LRFN2: variants seen among roughly 807,000 people sequenced by gnomAD.
The protein encoded by LRFN2 is leucine-rich repeat and fibronectin type-III domain-containing protein 2.
LRFN2 carries 18 observed loss-of-function variants against 37.3 expected under a neutral mutation model. The ratio of observed to expected loss-of-function variants is 0.48; its 90% CI spans 0.33 to 0.72. LRFN2 has a LOEUF of 0.72. Ranked by LOEUF, LRFN2 falls within the 30% of genes least tolerant of loss-of-function variation. The pLI is 0.02. For synonymous variants in LRFN2, 556 were observed against 466.6 expected (o/e 1.19, Z -2.47); for missense variants, 1,006 against 1,060.7 (o/e 0.95, Z 0.72).
chr6:40,459,687 G>A (rs1285905458), intron 1 of LRFN2, among the ~76,000 whole-genome samples: 1 of 152,154 alleles, frequency 6.6e-6, no homozygotes, highest in Non-Finnish European at 1.5e-5. Flanking sequence ...CAAATACCAA[G>A]GCACTTTCAC....
chr6:40,555,316 G>T (rs1029460997), intron 1 of LRFN2, among the ~76,000 whole-genome samples: 1 of 152,202 alleles, frequency 6.6e-6, no homozygotes, highest in African/African-American at 2.4e-5. Flanking sequence ...GCTGAGGGTT[G>T]CGGTGGGGAG....
chr6:40,479,066 T>G (rs78264785), intron 1 of LRFN2, among the ~76,000 whole-genome samples: 1 of 152,226 alleles, frequency 6.6e-6, no homozygotes, highest in African/African-American at 2.4e-5. Context: ...CATAACCAGA[T>G]AGAAAGCCTT....
At chr6:40,419,876 T>C (rs1440127575) in intron 2 of LRFN2, among the ~76,000 whole-genome samples, 1 of 152,194 alleles carries the variant, frequency 6.6e-6, no homozygotes, top group Non-Finnish European at 1.5e-5. Context: ...TGGACTAATT[T>C]CACCAAGCAA....
chr6:40,532,538 G>A (rs1766365298), intron 1 of LRFN2, among the ~76,000 whole-genome samples: 1 of 152,162 alleles, frequency 6.6e-6, no homozygotes, highest in African/African-American at 2.4e-5. Context: ...TGGCATAGTT[G>A]AAGATTAAAT....
At chr6:40,467,670 C>T (rs1283502235) in intron 1 of LRFN2, among the ~76,000 whole-genome samples, 1 of 152,184 alleles carries the variant, frequency 6.6e-6, no homozygotes. Context: ...AGACAGGAAA[C>T]CAGCTGTTCT....
rs1762509606 is a variant in LRFN2, at chr6:40,391,876, C to T, written c.*67G>A. On this transcript the variant is annotated 3_prime_UTR_variant, in exon 3 of 3. Transcript: ENST00000338305. Reference sequence around the variant, plus strand: ...CATCACCATGGAAACTCCACAAACACTTGCCAGTGAGATTCTTTCCCCTTC... The same window carrying T: ...CATCACCATGGAAACTCCACAAACATTTGCCAGTGAGATTCTTTCCCCTTC... 1 of 1,452,928 alleles carries T rather than the reference C, an allele frequency of 6.9e-7. No individual in the cohort carries two copies. The highest frequency in any genetic ancestry group is 9.2e-7 in the Non-Finnish European group (1 of 1,091,332). The allele number at this position is 1,452,928 out of a possible 1,614,324, so 90.0% of individuals were successfully genotyped here.
chr6:40,435,562 G>A (rs769576540), intron 1 of LRFN2, among the ~76,000 whole-genome samples: 38 of 147,552 alleles, frequency 2.6e-4, no homozygotes, highest in African/African-American at 8.7e-4. Context: ...TTTTTGAGAC[G>A]GAGTCTGGCT....
At chr6:40,408,765 A>C (rs73428990) in intron 2 of LRFN2, among the ~76,000 whole-genome samples, 9,851 of 152,316 alleles carry the variant, frequency 0.065, 1,008 homozygotes, top group African/African-American at 0.22. Flanking sequence ...AAATGAAGGA[A>C]TGGTAAACAC....
chr6:40,487,914 G>A (rs1765002735), intron 1 of LRFN2, among the ~76,000 whole-genome samples: 2 of 152,076 alleles, frequency 1.3e-5, no homozygotes, highest in Non-Finnish European at 1.5e-5. Context: ...CCCAATCTCA[G>A]CCTTGAGCCT....
At chr6:40,503,426 G>A (rs1197911337) in intron 1 of LRFN2, among the ~76,000 whole-genome samples, 1 of 152,160 alleles carries the variant, frequency 6.6e-6, no homozygotes, top group Non-Finnish European at 1.5e-5. Flanking sequence ...GCTCACTGGT[G>A]CAGCCGATGG....
At chr6:40,510,349 C>T (rs1765671361) in intron 1 of LRFN2, among the ~76,000 whole-genome samples, 1 of 152,150 alleles carries the variant, frequency 6.6e-6, no homozygotes, top group Admixed American at 6.5e-5. Flanking sequence ...ATGAGAATAG[C>T]ATCAAGCCAG....
At chr6:40,459,761 C>A (rs1015742030) in intron 1 of LRFN2, among the ~76,000 whole-genome samples, 1 of 152,194 alleles carries the variant, frequency 6.6e-6, no homozygotes, top group Non-Finnish European at 1.5e-5. Flanking sequence ...AGACACACAG[C>A]AAAGACTTGT....
chr6:40,396,445 T>G (rs755543353), intron 2 of LRFN2, among the ~76,000 whole-genome samples: 72 of 152,070 alleles, frequency 4.7e-4, no homozygotes, highest in Non-Finnish European at 7.9e-4. Flanking sequence ...GCTCCCCAAC[T>G]CAGAGAAAAT....
In LRFN2 at chr6:40,502,174, T is replaced by A. The variant is rs184023723; in HGVS notation, c.-18-69043A>T. ...GCAGCCCTAGAGGGGAGTGTCATTA[T>A]CCCCACTTTGCTGGTGAAGAAGATG... On this transcript the variant is annotated intron_variant, in intron 1 of 2. Transcript: ENST00000338305. 2.6e-5 allele frequency: 4 copies of A among 152,356 alleles called. No individual in the cohort carries two copies. The East Asian group carries it at 7.7e-4, about 29-fold the overall frequency. The allele number at this position is 152,356 out of a possible 1,614,324, so 9.4% of individuals were successfully genotyped here. A position where few individuals can be genotyped will look rare whatever the true frequency, so the allele number is the denominator to read the frequency against.
At chr6:40,506,907 C>T (rs1177386749) in intron 1 of LRFN2, among the ~76,000 whole-genome samples, 1 of 151,962 alleles carries the variant, frequency 6.6e-6, no homozygotes, top group Non-Finnish European at 1.5e-5. Flanking sequence ...CCTAATTTAC[C>T]CAGCAGGGAT....
At chr6:40,451,682 C>A (rs545827904) in intron 1 of LRFN2, among the ~76,000 whole-genome samples, 45 of 152,188 alleles carry the variant, frequency 3.0e-4, no homozygotes, top group African/African-American at 1.0e-3. Context: ...CGAGAAGGAG[C>A]TGTAGTGCCA....
intron 1 of LRFN2, among the ~76,000 whole-genome samples, chr6:40,578,466 T>TA (rs542286472): frequency 1.2e-3 from 182 of 152,298 alleles, no homozygotes; most frequent in African/African-American, 4.2e-3. Context: ...AGTTCCCCTT[T>TA]ATGCAAAGTG....
At chr6:40,533,414 C>CTT (rs1766388295) in intron 1 of LRFN2, among the ~76,000 whole-genome samples, 3 of 149,110 alleles carry the variant, frequency 2.0e-5, no homozygotes, top group Non-Finnish European at 3.0e-5. Context: ...CACACACACA[C>CTT]TTGAAAGAGA....
At chr6:40,542,815 A>C (rs903143216) in intron 1 of LRFN2, among the ~76,000 whole-genome samples, 1 of 152,122 alleles carries the variant, frequency 6.6e-6, no homozygotes, top group South Asian at 2.1e-4. Context: ...GGGCTTTCCC[A>C]GCTGCTCTCT....
Sources: gnomAD v4.1 joint callset for allele counts (sites outside exome capture counted in the v4.1 genomes callset) on GRCh38, gnomAD v4.1.1 for gene constraint, MANE v1.5 for transcripts, NCBI Gene and HGNC (gene_info 2026-07-23, HGNC 2026-07-21) for gene names.